Variants in DGCR2 observed in about 807,000 individuals in gnomAD.
DGCR2 encodes the protein integral membrane protein DGCR2/IDD.
In DGCR2, 24 loss-of-function variants were observed where a neutral mutation model predicts 51.6. That is an observed-to-expected ratio of 0.47 (90% CI 0.34 to 0.65). The LOEUF (loss-of-function observed/expected upper bound fraction) is 0.65. DGCR2 is among the 30% of genes least tolerant of loss of function. DGCR2 has a pLI of 0.01. For missense variants in DGCR2, 765 were observed against 772.1 expected (o/e 0.99, Z 0.11); for synonymous variants, 340 against 315.4 (o/e 1.08, Z -0.82).
rs967277243 is a variant in DGCR2, at chr22:19,036,760, C to A, written c.*2105G>T. 6.7e-6 allele frequency: 1 copy of A among 150,198 alleles called. No individual in the cohort carries two copies. Among genetic ancestry groups the A allele is most frequent in the Non-Finnish European group, 1.5e-5 (1 of 67,238 alleles). 9.3% of individuals were successfully genotyped at this position (150,198 alleles called of 1,614,324 possible). Reference sequence around the variant, plus strand: ...CTTGTGGAGGCCCATGGGGAAGGGGCCACCCAGCAACCCCGGCCAGCCCAA... The same window carrying A: ...CTTGTGGAGGCCCATGGGGAAGGGGACACCCAGCAACCCCGGCCAGCCCAA... On this transcript the variant is annotated 3_prime_UTR_variant, in exon 10 of 10. Coordinates refer to ENST00000263196, the MANE Select transcript of DGCR2 (RefSeq NM_005137.3).
intron 2 of DGCR2, among the ~76,000 whole-genome samples, chr22:19,074,825 A>C (rs117243903): frequency 0.019 from 2,937 of 152,180 alleles, 35 homozygotes; most frequent in Non-Finnish European, 0.031. Context: ...TTTACATCGG[A>C]GCTGCCGCTG....
intron 1 of DGCR2, among the ~76,000 whole-genome samples, chr22:19,104,045 G>A (rs2083235800): frequency 6.6e-6 from 1 of 152,118 alleles, no homozygotes. Flanking sequence ...GAGAAAAAAA[G>A]AGAGAATCCC....
intron 3 of DGCR2, among the ~76,000 whole-genome samples, chr22:19,066,715 G>A (rs764812547): frequency 7.9e-5 from 12 of 152,212 alleles, no homozygotes; most frequent in Non-Finnish European, 1.3e-4. Context: ...GCTGGCTGGG[G>A]CATGGAGGGA....
rs2082390332 is a variant in DGCR2 at position 19,038,100 on chromosome 22, T to C, written c.*765A>G. On this transcript the variant is annotated 3_prime_UTR_variant, in exon 10 of 10. Transcript: ENST00000263196. ...GCCTCGGCCCCACTCCAGAGCTTCTTCCTGAGGGAGCCATGCACAGCAATG... is the reference window on the plus strand; with the variant it reads ...GCCTCGGCCCCACTCCAGAGCTTCTCCCTGAGGGAGCCATGCACAGCAATG... The C allele has an allele frequency of 6.6e-6, 1 of 152,586 alleles. No homozygotes were observed. The highest frequency in any genetic ancestry group is 1.5e-5 in the Non-Finnish European group (1 of 68,168). The allele number at this position is 152,586 out of a possible 1,614,324, so 9.5% of individuals were successfully genotyped here.
chr22:19,049,436 C>T (rs905376729), intron 6 of DGCR2, among the ~76,000 whole-genome samples: 7 of 152,114 alleles, frequency 4.6e-5, no homozygotes, highest in African/African-American at 1.7e-4. Context: ...GGCAAAGAGA[C>T]ATGAGAAGGT....
chr22:19,122,073 GA>G (rs1283466252), intron 1 of DGCR2, 54 bp downstream of exon 1: 1 of 1,331,732 alleles, frequency 7.5e-7, no homozygotes, highest in Non-Finnish European at 9.8e-7. Context: ...GTCCCGGGGC[GA>G]CCCCGGCCCC....
At chr22:19,073,071 A>T (rs1265264500) in intron 2 of DGCR2, among the ~76,000 whole-genome samples, 2 of 152,024 alleles carry the variant, frequency 1.3e-5, no homozygotes, top group Non-Finnish European at 2.9e-5. Context: ...AGCCTGGGCA[A>T]CACAGCAAGA....
At position 19,038,062 on chromosome 22, in the gene DGCR2, C is replaced by T. The variant is rs2082390018; in HGVS notation, c.*803G>A. 1 of 152,672 alleles carries T rather than the reference C, an allele frequency of 6.5e-6. No individual in the cohort carries two copies. The highest frequency in any genetic ancestry group is 1.5e-5 in the Non-Finnish European group (1 of 68,218). The allele number at this position is 152,672 out of a possible 1,614,324, so 9.5% of individuals were successfully genotyped here. ...AGGCAGCTCAGTCCCCAGACCCCAG[C>T]AGAGCATCTGGGGCCTCGGCCCCAC... On this transcript the variant is annotated 3_prime_UTR_variant, in exon 10 of 10. Coordinates refer to ENST00000263196, the MANE Select transcript of DGCR2 (RefSeq NM_005137.3).
intron 5 of DGCR2, among the ~76,000 whole-genome samples, chr22:19,060,039 G>A (rs1384077566): frequency 6.6e-6 from 1 of 152,116 alleles, no homozygotes; most frequent in Non-Finnish European, 1.5e-5. Context: ...AGATGCTCCC[G>A]AATGCCCCAC....
chr22:19,063,036 C>G (rs980307090), intron 5 of DGCR2, among the ~76,000 whole-genome samples, 166 bp downstream of exon 5: 3 of 152,176 alleles, frequency 2.0e-5, no homozygotes, highest in African/African-American at 7.2e-5. Flanking sequence ...GATCTGCAGG[C>G]TGCACTGGCC....
chr22:19,108,541 C>T (rs2083281902), intron 1 of DGCR2, among the ~76,000 whole-genome samples: 2 of 132,172 alleles, frequency 1.5e-5, no homozygotes, highest in Non-Finnish European at 1.5e-5. Context: ...CACCACTGTA[C>T]TCCAGCCTGG....
intron 6 of DGCR2, 41 bp downstream of exon 6, chr22:19,056,945 G>A (rs1323056261): frequency 6.6e-7 from 1 of 1,526,264 alleles, no homozygotes; most frequent in Non-Finnish European, 8.8e-7. Context: ...TGACACAAGG[G>A]CCCAGACATT....
At chr22:19,054,885 T>C (rs1280652450) in intron 6 of DGCR2, among the ~76,000 whole-genome samples, 1 of 152,136 alleles carries the variant, frequency 6.6e-6, no homozygotes, top group Non-Finnish European at 1.5e-5. Context: ...GGTGGATCAC[T>C]TGAGGTCAGG....
rs1179387672 is a variant in DGCR2, at chr22:19,036,979, C to T, written c.*1886G>A. On this transcript the variant is annotated 3_prime_UTR_variant, in exon 10 of 10. Coordinates refer to ENST00000263196, the MANE Select transcript of DGCR2 (RefSeq NM_005137.3). ...AATCCTCTGAGCTCTCAGGCTCAGG[C>T]CCGTGGGGGACTCTGCTGCGTGGTC... The T allele has an allele frequency of 1.3e-5, 2 of 152,416 alleles. No individual in the cohort carries two copies. Among genetic ancestry groups the T allele is most frequent in the Non-Finnish European group, 2.9e-5 (2 of 68,206 alleles). 9.4% of individuals were successfully genotyped at this position (152,416 alleles called of 1,614,324 possible). A position where few individuals can be genotyped will look rare whatever the true frequency, so the allele number is the denominator to read the frequency against.
At chr22:19,062,779 A>ATTCTCTCATTCTCTCATTCTCTCATTCT in intron 5 of DGCR2, among the ~76,000 whole-genome samples, 1 of 127,354 alleles carries the variant, frequency 7.9e-6, no homozygotes, top group African/African-American at 2.7e-5. Context: ...ATGCATGCTC[A>ATTCTCTCATTCTCTCATTCTCTCATTCT]CTCTCTCTCT....
chr22:19,046,990 CAG>C (rs1466884062), intron 7 of DGCR2: 1 of 157,716 alleles, frequency 6.3e-6, no homozygotes, highest in Non-Finnish European at 1.4e-5. Flanking sequence ...GGCTTGTGAA[CAG>C]AGTTTGACTC....
rs923572855 is a variant in DGCR2, at chr22:19,118,374, CAAAAAAAA to C, written c.79+3746_79+3753del. ...TGACAGACAGAAACTCCATCGCAAA[CAAAAAAAA>C]AAAAAAAAAAAAAAAACAACTCTGG... is the stretch of plus-strand genomic sequence containing the variant. On this transcript the variant is annotated intron_variant, in intron 1 of 9. Transcript: ENST00000263196. Among the ~76,000 whole-genome samples the C allele has an allele frequency of 4.9e-4, 28 of 56,768 alleles. No individual in the cohort carries two copies. In the East Asian group the frequency reaches 0.015, roughly 31 times the overall value. 37.2% of individuals were successfully genotyped at this position (56,768 alleles called of 152,430 possible). A position where few individuals can be genotyped will look rare whatever the true frequency, so the allele number is the denominator to read the frequency against.
chr22:19,070,817 T>C (rs1467645076), intron 2 of DGCR2, among the ~76,000 whole-genome samples: 1 of 152,232 alleles, frequency 6.6e-6, no homozygotes, highest in Non-Finnish European at 1.5e-5. Flanking sequence ...CCACGTTTAT[T>C]CAATGCCCAT....
chr22:19,053,662 A>G (rs931030844), intron 6 of DGCR2, among the ~76,000 whole-genome samples: 4 of 152,228 alleles, frequency 2.6e-5, no homozygotes, highest in African/African-American at 7.2e-5. Flanking sequence ...CAGAGTTCCA[A>G]TGAAAAGCCT....
Sources: allele counts gnomAD v4.1 joint callset (sites outside exome capture counted in the v4.1 genomes callset), GRCh38; gene constraint gnomAD v4.1.1; transcripts MANE v1.5; gene names NCBI Gene and HGNC (gene_info 2026-07-23, HGNC 2026-07-21).